Variants in ZFAT observed in about 807,000 individuals in gnomAD.
ZFAT encodes the protein zinc finger protein ZFAT.
ZFAT carries 64 observed loss-of-function variants against 117.7 expected under a neutral mutation model. The ratio of observed to expected loss-of-function variants is 0.54; its 90% confidence interval spans 0.44 to 0.67. The LOEUF is 0.67. ZFAT is among the 30% of genes least tolerant of loss of function. ZFAT has a pLI of 0.00. For synonymous variants in ZFAT, 679 were observed against 615.0 expected (o/e 1.10, Z -1.54); for missense variants, 1,433 against 1,584.5 (o/e 0.90, Z 1.62).
At chr8:134,736,114 T>C in the ZFAT span, among the ~76,000 whole-genome samples, 3 of 152,096 alleles carry the variant, frequency 2.0e-5, no homozygotes, top group African/African-American at 7.2e-5. Flanking sequence ...ATGTTAGAAC[T>C]GAAGTCCATC....
chr8:134,601,598 C>T lies in ZFAT; in HGVS notation c.2121G>A (p.Glu707=), dbSNP rs1563657201. 1.2e-6 allele frequency: 2 copies of T among 1,614,114 alleles called. No homozygotes were observed. ...HQPDSCKAAP[E]HRSGITAFMK... ...TGAAAGCGGTGATGCCTGACCGGTG[C>T]TCAGGGGCAGCTTTGCAAGAGTCAG... Residue 707 remains glutamate (E), a synonymous_variant, in exon 6 of 16, where the codon GAG becomes GAA. Coordinates refer to ENST00000377838, the MANE Select transcript of ZFAT (RefSeq NM_020863.4).
intron 15 of ZFAT, among the ~76,000 whole-genome samples, chr8:134,489,155 C>T (rs1817870911): frequency 6.6e-6 from 1 of 152,026 alleles, no homozygotes. Context: ...CTGATCAGAC[C>T]CCCAAGCTCA....
intron 1 of ZFAT, among the ~76,000 whole-genome samples, chr8:134,665,659 C>T (rs1348360604): frequency 6.6e-6 from 1 of 152,134 alleles, no homozygotes; most frequent in African/African-American, 2.4e-5. Context: ...AGACAGCCCC[C>T]GAGCATTCCC....
At position 134,712,860 on chromosome 8, in the gene ZFAT, C is replaced by A; in HGVS notation, c.4G>T (p.Glu2Ter). 6.7e-7 allele frequency: 1 copy of A among 1,501,346 alleles called. No homozygotes were observed. Among genetic ancestry groups the A allele is most frequent in the Admixed American group, 2.2e-5 (1 of 45,968 alleles). 93.0% of individuals were successfully genotyped at this position (1,501,346 alleles called of 1,614,324 possible). A position where few individuals can be genotyped will look rare whatever the true frequency, so the allele number is the denominator to read the frequency against. The change falls in exon 1 of 16, where the codon GAG becomes TAG. Residue 2 changes from glutamate (E) to a stop codon, truncating the protein, a stop_gained. Coordinates refer to ENST00000377838, the MANE Select transcript of ZFAT (RefSeq NM_020863.4). LOFTEE classifies it high-confidence loss of function. M[E>*]TRAAENTAIF... ...CCCGGCTCACCTGCCGCCCGCGTCT[C>A]CATGGCAACGCCCCACCGCGGAGGA...
chr8:134,626,380 ACT>A (rs1419541290), intron 3 of ZFAT, among the ~76,000 whole-genome samples: 1 of 152,168 alleles, frequency 6.6e-6, no homozygotes, highest in Non-Finnish European at 1.5e-5. Flanking sequence ...TCCAACAGGT[ACT>A]CTCTAGCTGG....
chr8:134,671,074 A>C (rs547908471), intron 1 of ZFAT, among the ~76,000 whole-genome samples: 1 of 152,326 alleles, frequency 6.6e-6, no homozygotes, highest in African/African-American at 2.4e-5. Flanking sequence ...ATCTCTGAAT[A>C]GACCAATAAC....
chr8:134,555,815 GAA>G (rs146881622), intron 11 of ZFAT, among the ~76,000 whole-genome samples: 2 of 147,370 alleles, frequency 1.4e-5, no homozygotes, highest in South Asian at 4.3e-4. Context: ...AAAGCTCTAG[GAA>G]AAAAAAAATA....
At chr8:134,602,972 T>A in intron 5 of ZFAT, 39 bp from the exon 6 acceptor site, 2 of 1,564,060 alleles carry the variant, frequency 1.3e-6, no homozygotes, top group Non-Finnish European at 1.7e-6. Flanking sequence ...CTGGAGACCT[T>A]GAATGTTCCT....
chr8:134,530,692 C>T (rs1009804880), intron 12 of ZFAT, among the ~76,000 whole-genome samples: 14 of 152,088 alleles, frequency 9.2e-5, no homozygotes, highest in Non-Finnish European at 2.1e-4. Context: ...TATATATGTA[C>T]AGATGGCCCT....
chr8:134,503,382 G>T (rs990700478), intron 15 of ZFAT, among the ~76,000 whole-genome samples: 3 of 152,222 alleles, frequency 2.0e-5, no homozygotes, highest in Admixed American at 1.3e-4. Flanking sequence ...CACCAAAATT[G>T]TCTCTGTGAA....
intron 3 of ZFAT, among the ~76,000 whole-genome samples, chr8:134,632,871 T>C (rs1446390602): frequency 1.3e-5 from 2 of 152,020 alleles, no homozygotes; most frequent in Admixed American, 1.3e-4. Context: ...AACTAAAAAC[T>C]GTAACAGAGA....
At chr8:134,516,169 A>T (rs559765124) in intron 13 of ZFAT, among the ~76,000 whole-genome samples, 1 of 152,346 alleles carries the variant, frequency 6.6e-6, no homozygotes, top group Non-Finnish European at 1.5e-5. Context: ...TCAGCAATCT[A>T]AGTTTCGCTG....
rs188305724 is a variant in ZFAT, at chr8:134,600,778, G to C, written c.2243-110C>G. The stretch of plus-strand genomic sequence containing the variant: ...CAATATCTATCTCCCTCTTGCGCTT[G>C]TCCGGGTCACCCTTCATACTTTTCA... On this transcript the variant is annotated intron_variant, in intron 6 of 15. Transcript: ENST00000377838. The C allele has an allele frequency of 6.5e-3, 5,736 of 882,952 alleles. 24 individuals are homozygous for C. Among genetic ancestry groups the C allele is most frequent in the Non-Finnish European group, 8.3e-3 (5,006 of 604,634 alleles). 54.7% of individuals were successfully genotyped at this position (882,952 alleles called of 1,614,324 possible).
intron 15 of ZFAT, among the ~76,000 whole-genome samples, chr8:134,499,709 C>G (rs1457322660): frequency 6.6e-6 from 1 of 152,240 alleles, no homozygotes; most frequent in African/African-American, 2.4e-5. Context: ...GCATTTCTCA[C>G]AAGCCCCCTG....
chr8:134,615,938 C>CA (rs1240034721), intron 3 of ZFAT, among the ~76,000 whole-genome samples: 2 of 152,308 alleles, frequency 1.3e-5, no homozygotes, highest in East Asian at 3.9e-4. Context: ...AAGGCTCCCA[C>CA]AAAAAAGAAC....
chr8:134,748,069 T>C, the ZFAT span, among the ~76,000 whole-genome samples: 2 of 152,374 alleles, frequency 1.3e-5, no homozygotes, highest in East Asian at 3.9e-4. Flanking sequence ...TATTTTTTAA[T>C]TTAACATATA....
chr8:134,676,166 G>A (rs1256001187), intron 1 of ZFAT, among the ~76,000 whole-genome samples: 1 of 149,696 alleles, frequency 6.7e-6, no homozygotes, highest in Non-Finnish European at 1.5e-5. Flanking sequence ...GATAAAGAGT[G>A]TGCTGTATTC....
Position 134,477,917 on chromosome 8 carries a change from A to C in ZFAT, c.*565T>G. 1 of 153,820 alleles carries C rather than the reference A, an allele frequency of 6.5e-6. No homozygotes were observed. Among genetic ancestry groups the C allele is most frequent in the Non-Finnish European group, 1.4e-5 (1 of 69,072 alleles). The allele number at this position is 153,820 out of a possible 1,614,324, so 9.5% of individuals were successfully genotyped here. A position where few individuals can be genotyped will look rare whatever the true frequency, so the allele number is the denominator to read the frequency against. ...TAGGGCGAGACCCTGTGATGGGTGA[A>C]TTTACCTCACTTGATACCAAGGGCC... On this transcript the variant is annotated 3_prime_UTR_variant, in exon 16 of 16. Transcript: ENST00000377838.
intron 7 of ZFAT, among the ~76,000 whole-genome samples, chr8:134,591,339 G>A (rs866541080): frequency 3.9e-5 from 6 of 152,350 alleles, no homozygotes; most frequent in African/African-American, 7.2e-5. Flanking sequence ...CCACTGGGGC[G>A]CAGATAGGTT....
Sources: gnomAD v4.1 joint callset for allele counts (sites outside exome capture counted in the v4.1 genomes callset) on GRCh38, gnomAD v4.1.1 for gene constraint, MANE v1.5 for transcripts, NCBI Gene and HGNC (gene_info 2026-07-23, HGNC 2026-07-21) for gene names.